The following PRKACB variants were observed in gnomAD, a reference collection of about 807,000 sequenced individuals.
The protein encoded by PRKACB is protein kinase cAMP-activated catalytic subunit beta, also known as cAMP-dependent protein kinase catalytic subunit beta.
A neutral mutation model predicts 51.4 loss-of-function variants in PRKACB; 16 were observed. The observed-to-expected ratio is 0.31, with a 90% CI of 0.21 to 0.47. PRKACB has a LOEUF of 0.47. PRKACB is among the 20% of genes least tolerant of loss of function. The pLI is 1.00. For synonymous variants in PRKACB, 147 were observed against 154.4 expected, an observed-to-expected ratio of 0.95 and a Z score of 0.35; for missense variants, 309 against 464.5, an observed-to-expected ratio of 0.67 and a Z score of 3.08.
chr1:84,087,441 A>C (rs190261381), intron 1 of PRKACB, among the ~76,000 whole-genome samples: 18 of 152,332 alleles, frequency 1.2e-4, no homozygotes, highest in African/African-American at 4.3e-4. Flanking sequence ...TAGACAATAA[A>C]TGTATTTAAC....
chr1:84,098,567 AT>A (rs1649100648), intron 1 of PRKACB, among the ~76,000 whole-genome samples: 1 of 152,148 alleles, frequency 6.6e-6, no homozygotes, highest in Admixed American at 6.6e-5. Flanking sequence ...AGGAGAAGGT[AT>A]AAAAGTCATC....
intron 5 of PRKACB, among the ~76,000 whole-genome samples, chr1:84,185,766 T>C (rs1664905002): frequency 6.6e-6 from 1 of 152,104 alleles, no homozygotes. Context: ...TTACCTGTAC[T>C]TAATAGTTTA....
chr1:84,217,064 A>T (rs1325678032), intron 9 of PRKACB, among the ~76,000 whole-genome samples: 4 of 152,188 alleles, frequency 2.6e-5, no homozygotes, highest in Non-Finnish European at 5.9e-5. Context: ...TCAACCAATC[A>T]TTAGCAGTAT....
At chr1:84,144,642 T>C in intron 1 of PRKACB, 94 bp downstream of exon 1, 5 of 1,318,876 alleles carry the variant, frequency 3.8e-6, no homozygotes, top group Non-Finnish European at 5.1e-6. Flanking sequence ...CTTTTGTTTG[T>C]TGTTTTCTGA....
intron 1 of PRKACB, chr1:84,078,504 G>T (rs1309616899): frequency 2.0e-6 from 2 of 1,019,442 alleles, no homozygotes; most frequent in African/African-American, 3.3e-5. Context: ...CGTTCTGGGG[G>T]GCCGGGAGAC....
chr1:84,192,624 C>A (rs868790705), intron 5 of PRKACB, among the ~76,000 whole-genome samples: 5 of 152,200 alleles, frequency 3.3e-5, no homozygotes, highest in Middle Eastern at 6.8e-3. Context: ...GAACTTGTCT[C>A]CGCTAGCTTT....
upstream of PRKACB, among the ~76,000 whole-genome samples, chr1:84,140,608 A>G (rs1230160562): frequency 6.6e-6 from 1 of 152,116 alleles, no homozygotes. Context: ...CCCCAAGATG[A>G]TTGTAAGAAA....
At chr1:84,231,112 C>G (rs1376582366) in intron 9 of PRKACB, among the ~76,000 whole-genome samples, 2 of 151,162 alleles carry the variant, frequency 1.3e-5, no homozygotes, top group Non-Finnish European at 2.9e-5. Context: ...CCATCAATAC[C>G]TAATTTATTG....
chr1:84,230,471 A>G (rs1338475897), intron 9 of PRKACB, among the ~76,000 whole-genome samples: 1 of 152,152 alleles, frequency 6.6e-6, no homozygotes, highest in Non-Finnish European at 1.5e-5. Flanking sequence ...CTGTGAAGAA[A>G]GTCATTGGTA....
intron 1 of PRKACB, among the ~76,000 whole-genome samples, chr1:84,105,542 CATTTATTT>C (rs66546945): frequency 0.085 from 12,425 of 145,440 alleles, 582 homozygotes; most frequent in Middle Eastern, 0.11. Context: ...CCACTGTTAG[CATTTATTT>C]ATTTATTTAT....
intron 1 of PRKACB, among the ~76,000 whole-genome samples, chr1:84,127,588 C>A (rs538951465): frequency 1.2e-3 from 165 of 141,562 alleles, no homozygotes; most frequent in African/African-American, 4.1e-3. Flanking sequence ...TTATTCCTGG[C>A]ACATTACTGA....
At chr1:84,161,982 G>A (rs1031754874) in intron 1 of PRKACB, among the ~76,000 whole-genome samples, 5 of 151,916 alleles carry the variant, frequency 3.3e-5, no homozygotes, top group Non-Finnish European at 5.9e-5. Flanking sequence ...AAGGACTTAG[G>A]TATTTCTGCT....
At chr1:84,117,079 G>T (rs574931870) in intron 1 of PRKACB, among the ~76,000 whole-genome samples, 2 of 151,600 alleles carry the variant, frequency 1.3e-5, no homozygotes, top group African/African-American at 4.8e-5. Context: ...AGATAATAAT[G>T]ATTTTTTCTG....
intron 1 of PRKACB, among the ~76,000 whole-genome samples, chr1:84,083,133 G>A (rs1647680821): frequency 6.6e-6 from 1 of 152,124 alleles, no homozygotes; most frequent in Non-Finnish European, 1.5e-5. Flanking sequence ...ATGCAATATA[G>A]TGATTTCTTA....
chr1:84,130,122 G>A (rs965397857), intron 1 of PRKACB, among the ~76,000 whole-genome samples: 26 of 149,328 alleles, frequency 1.7e-4, no homozygotes, highest in African/African-American at 4.9e-4. Flanking sequence ...CCTGGGAGGC[G>A]GAGCTTGCAG....
At position 84,204,595 on chromosome 1, in the gene PRKACB, A is replaced by G. The variant is rs1299536865; in HGVS notation, c.906+1790A>G. The G allele has an allele frequency of 5.1e-6, 7 of 1,365,534 alleles. No homozygotes were observed. In the East Asian group the frequency reaches 1.5e-4, roughly 29 times the overall value. The allele number at this position is 1,365,534 out of a possible 1,614,324, so 84.6% of individuals were successfully genotyped here. A position where few individuals can be genotyped will look rare whatever the true frequency, so the allele number is the denominator to read the frequency against. ...CTCAAGAGGACTAAAGGTCATATGAAGAATGATGAGAGAACCAAAATACAT... is the reference window on the plus strand; with the variant it reads ...CTCAAGAGGACTAAAGGTCATATGAGGAATGATGAGAGAACCAAAATACAT... On this transcript the variant is annotated intron_variant, in intron 8 of 9. Transcript: ENST00000370685.
chr1:84,184,970 T>C, intron 4 of PRKACB, 130 bp from the exon 5 acceptor site: 1 of 455,736 alleles, frequency 2.2e-6, no homozygotes, highest in South Asian at 4.9e-5. Context: ...GCATGTTCCA[T>C]TTATTCTTTA....
At chr1:84,200,791 C>T (rs1019489820) in intron 7 of PRKACB, among the ~76,000 whole-genome samples, 8 of 151,912 alleles carry the variant, frequency 5.3e-5, no homozygotes, top group Non-Finnish European at 8.8e-5. Flanking sequence ...ATCGGGTGGT[C>T]GTAGGTGTAT....
chr1:84,158,914 T>A (rs1655846459), intron 1 of PRKACB, among the ~76,000 whole-genome samples: 1 of 152,166 alleles, frequency 6.6e-6, no homozygotes, highest in Non-Finnish European at 1.5e-5. Context: ...TTTAATTATC[T>A]TGGCATCTTT....
Sources: allele counts gnomAD v4.1 joint callset (sites outside exome capture counted in the v4.1 genomes callset), GRCh38; gene constraint gnomAD v4.1.1; transcripts MANE v1.5; gene names NCBI Gene and HGNC (gene_info 2026-07-23, HGNC 2026-07-21).